Variants in FHOD3 observed in about 807,000 individuals in gnomAD.
FHOD3 encodes formin homology 2 domain containing 3, also known as FH1/FH2 domain-containing protein 3.
FHOD3 carries 90 observed loss-of-function variants against 173.0 expected under a neutral mutation model. The ratio of observed to expected loss-of-function variants is 0.52; its 90% CI spans 0.44 to 0.62. FHOD3 has a LOEUF of 0.62. Ranked by LOEUF, FHOD3 falls within the 20% of genes least tolerant of loss-of-function variation. FHOD3 has a pLI of 0.00. For synonymous variants in FHOD3, 828 were observed against 823.0 expected (o/e 1.01, Z -0.10); for missense variants, 1,945 against 2,034.7 (o/e 0.96, Z 0.85).
chr18:36,577,271 A>T (rs923299430), intron 6 of FHOD3, among the ~76,000 whole-genome samples: 4 of 152,160 alleles, frequency 2.6e-5, no homozygotes, highest in East Asian at 1.9e-4. Flanking sequence ...AATGTTTATT[A>T]CGGATTTGCC....
chr18:36,750,006 G>A (rs1171908487), intron 24 of FHOD3, among the ~76,000 whole-genome samples: 7 of 151,442 alleles, frequency 4.6e-5, no homozygotes, highest in South Asian at 2.1e-4. Flanking sequence ...GTGTCTGTTC[G>A]GGGCCGGGCA....
intron 1 of FHOD3, among the ~76,000 whole-genome samples, chr18:36,338,283 T>G (rs1012392683): frequency 6.6e-6 from 1 of 152,212 alleles, no homozygotes; most frequent in African/African-American, 2.4e-5. Context: ...CTCTGGATAC[T>G]TGGTAGCCTG....
intron 1 of FHOD3, among the ~76,000 whole-genome samples, chr18:36,305,279 G>A (rs642840): frequency 0.92 from 140,637 of 152,302 alleles, 65,018 homozygotes; most frequent in East Asian, 1. Context: ...TAATCTAGAT[G>A]TTAAAATGTT....
intron 14 of FHOD3, among the ~76,000 whole-genome samples, chr18:36,679,464 C>G (rs962285765): frequency 1.3e-5 from 2 of 151,748 alleles, no homozygotes; most frequent in African/African-American, 4.8e-5. Context: ...GTTGCCTTTC[C>G]AATTGTTGAG....
intron 9 of FHOD3, among the ~76,000 whole-genome samples, chr18:36,623,722 G>T (rs2033884972): frequency 6.6e-6 from 1 of 152,208 alleles, no homozygotes; most frequent in Non-Finnish European, 1.5e-5. Context: ...TCACCTATGG[G>T]AGTTTGTTAT....
chr18:36,305,120 AT>A (rs905058760), intron 1 of FHOD3, among the ~76,000 whole-genome samples: 7 of 152,226 alleles, frequency 4.6e-5, no homozygotes, highest in African/African-American at 1.7e-4. Context: ...AGGAAGATCA[AT>A]TATTTTTTGA....
rs1600118211 is a variant in FHOD3, at chr18:36,658,204, A to T, written c.1835+16A>T. 6.5e-6 allele frequency: 10 copies of T among 1,535,278 alleles called. No individual in the cohort carries two copies. The East Asian group carries it at 2.5e-4, about 38-fold the overall frequency. ...GGTTGGAAAGGTGAGTTCGACAAGC[A>T]CGCTGATAGCTTCACAGTCCTCAAG... is the stretch of plus-strand genomic sequence containing the variant. On this transcript the variant is annotated intron_variant, in intron 14 of 28. Transcript: ENST00000590592.
chr18:36,326,278 C>T (rs1422596390), intron 1 of FHOD3, among the ~76,000 whole-genome samples: 1 of 152,184 alleles, frequency 6.6e-6, no homozygotes, highest in Non-Finnish European at 1.5e-5. Flanking sequence ...TCCTTTATAT[C>T]TTCCTTGTTT....
chr18:36,341,529 G>T (rs1351586541), intron 1 of FHOD3, among the ~76,000 whole-genome samples: 2 of 152,212 alleles, frequency 1.3e-5, no homozygotes, highest in African/African-American at 2.4e-5. Context: ...AAGGCAAGTA[G>T]AAAGTGAGGA....
At chr18:36,450,281 C>T (rs1440562268) in intron 3 of FHOD3, among the ~76,000 whole-genome samples, 1 of 152,028 alleles carries the variant, frequency 6.6e-6, no homozygotes, top group Non-Finnish European at 1.5e-5. Context: ...TAATAAGGAG[C>T]AGAATTAACG....
At chr18:36,493,441 G>A (rs891455380) in intron 3 of FHOD3, among the ~76,000 whole-genome samples, 1 of 152,012 alleles carries the variant, frequency 6.6e-6, no homozygotes, top group East Asian at 1.9e-4. Flanking sequence ...GTCACGTGCC[G>A]CATTTGAGTT....
At chr18:36,553,257 C>G (rs553950546) in intron 5 of FHOD3, among the ~76,000 whole-genome samples, 8 of 152,284 alleles carry the variant, frequency 5.3e-5, no homozygotes, top group African/African-American at 1.9e-4. Context: ...TGATGTTCAT[C>G]AGGGATATTG....
intron 6 of FHOD3, among the ~76,000 whole-genome samples, chr18:36,583,463 C>T (rs973597093): frequency 3.9e-5 from 6 of 152,206 alleles, no homozygotes; most frequent in African/African-American, 1.4e-4. Flanking sequence ...TCCTCCCCCA[C>T]CTTGTTGACC....
chr18:36,612,396 T>C (rs558041765), intron 9 of FHOD3, among the ~76,000 whole-genome samples: 1 of 152,276 alleles, frequency 6.6e-6, no homozygotes, highest in East Asian at 1.9e-4. Flanking sequence ...GCACCTTCAC[T>C]CAAGGAGACG....
chr18:36,720,781 TTCC>T (rs1196357733), intron 19 of FHOD3, among the ~76,000 whole-genome samples: 3 of 37,154 alleles, frequency 8.1e-5, no homozygotes, highest in East Asian at 1.3e-3. Context: ...CCTCCTCCTC[TTCC>T]TCCTCCTCTT....
Position 36,591,290 on chromosome 18 carries a change from G to T in FHOD3, c.607-3497G>T, listed in dbSNP as rs191676206. Among the ~76,000 whole-genome samples, 13 of 152,346 alleles carry T rather than the reference G, an allele frequency of 8.5e-5. No homozygotes were observed. In the East Asian group the frequency reaches 2.1e-3, roughly 25 times the overall value. ...AGTTCCCAGCACTCTAAAGTACTCA[G>T]CTCCCTGTGTGGGGAGGAGGTTACC... On this transcript the variant is annotated intron_variant, in intron 6 of 28. Coordinates refer to ENST00000590592, the MANE Select transcript of FHOD3 (RefSeq NM_001281740.3).
chr18:36,619,492 T>G (rs955935713), intron 9 of FHOD3, among the ~76,000 whole-genome samples: 2 of 152,256 alleles, frequency 1.3e-5, no homozygotes, highest in Non-Finnish European at 1.5e-5. Context: ...TCCCCTTATT[T>G]AGGAATTTGA....
chr18:36,710,151 A>G (rs1455013856), intron 18 of FHOD3: 1 of 152,234 alleles, frequency 6.6e-6, no homozygotes, highest in African/African-American at 2.4e-5. Context: ...CTCACCAAGG[A>G]CTTGAGAAGG....
intron 15 of FHOD3, among the ~76,000 whole-genome samples, chr18:36,685,322 AACT>A (rs1390432126): frequency 6.6e-6 from 1 of 152,196 alleles, no homozygotes; most frequent in Non-Finnish European, 1.5e-5. Flanking sequence ...AACCGTAGGC[AACT>A]ACTAATTATG....
Sources: allele counts gnomAD v4.1 joint callset (sites outside exome capture counted in the v4.1 genomes callset), GRCh38; gene constraint gnomAD v4.1.1; transcripts MANE v1.5; gene names NCBI Gene and HGNC (gene_info 2026-07-23, HGNC 2026-07-21).